Variants in LIPG observed in about 807,000 individuals in gnomAD.
LIPG encodes lipase G, endothelial type, also known as endothelial lipase.
In LIPG, 34 loss-of-function variants were observed where a neutral mutation model predicts 51.8. That is an observed-to-expected ratio of 0.66 (90% CI 0.50 to 0.87). The LOEUF (loss-of-function observed/expected upper bound fraction) is 0.87. Among genes scored for constraint, LIPG ranks in the 40% least tolerant of loss-of-function variants. The pLI, the probability that LIPG is intolerant of heterozygous loss-of-function variation, is 0.00. For missense variants in LIPG, 580 were observed against 652.7 expected (o/e 0.89, Z 1.21); for synonymous variants, 246 against 246.1 (o/e 1.00, Z 0.00).
intron 5 of LIPG, among the ~76,000 whole-genome samples, chr18:49,578,824 C>T (rs868732434): frequency 6.6e-5 from 10 of 151,104 alleles, no homozygotes; most frequent in African/African-American, 2.4e-4. Context: ...GGCTGGAGAC[C>T]GGCCCGGCCA....
In LIPG at chr18:49,598,325, G is replaced by T. The variant is rs2084992873; in HGVS notation, c.*7803G>T. 2 of 152,610 alleles carry T rather than the reference G, an allele frequency of 1.3e-5. No homozygotes were observed. Among genetic ancestry groups the T allele is most frequent in the South Asian group, 4.1e-4 (2 of 4,822 alleles). 9.5% of individuals were successfully genotyped at this position (152,610 alleles called of 1,614,324 possible). On this transcript the variant is annotated 3_prime_UTR_variant, in exon 10 of 10. Transcript: ENST00000261292. ...TCCTCCCACTTCAGCCTCCCAAATAGCTGGGACTACAGGTGTACTCCACTA... is the reference window on the plus strand; with the variant it reads ...TCCTCCCACTTCAGCCTCCCAAATATCTGGGACTACAGGTGTACTCCACTA...
chr18:49,586,672 G>C (rs911635547), intron 8 of LIPG, 74 bp from the exon 9 acceptor site: 8 of 1,092,234 alleles, frequency 7.3e-6, no homozygotes, highest in African/African-American at 1.5e-5. Flanking sequence ...TCACCCATCT[G>C]CCTTGAATCT....
chr18:49,565,563 AG>A, intron 2 of LIPG, 65 bp downstream of exon 2: 4 of 1,575,278 alleles, frequency 2.5e-6, no homozygotes, highest in Non-Finnish European at 3.5e-6. Flanking sequence ...TTGGTCAATT[AG>A]AAAGAATTCT....
At chr18:49,589,384 G>A (rs954389857) in intron 9 of LIPG, 2 of 152,224 alleles carry the variant, frequency 1.3e-5, no homozygotes, top group African/African-American at 4.8e-5. Context: ...ATTTCAAAGT[G>A]TTTCCACATA....
At chr18:49,573,457 G>A (rs542028927) in intron 4 of LIPG, among the ~76,000 whole-genome samples, 1 of 152,168 alleles carries the variant, frequency 6.6e-6, no homozygotes, top group Non-Finnish European at 1.5e-5. Context: ...GCTTATGCCT[G>A]TAATCCCAGC....
Position 49,581,621 on chromosome 18 carries a change from A to G in LIPG, c.1000A>G (p.Met334Val). ...AATGAGGAACAAGAGGAACAGCAAA[A>G]TGTACCTAAAAACCCGGGCAGGCAT... ...KKMRNKRNSK[M>V]YLKTRAGMPF... The change falls in exon 6 of 10, where the codon ATG (methionine) becomes GTG (valine). Residue 334 changes from methionine to valine, a missense_variant. Coordinates refer to ENST00000261292, the MANE Select transcript of LIPG (RefSeq NM_006033.4). 1.2e-6 allele frequency: 2 copies of G among 1,614,182 alleles called. No homozygotes were observed. The highest frequency in any genetic ancestry group is 1.1e-5 in the South Asian group (1 of 91,086).
upstream of LIPG, chr18:49,561,693 CCTT>C (rs1318287553): frequency 2.2e-5 from 28 of 1,244,960 alleles, no homozygotes; most frequent in African/African-American, 3.2e-4. Context: ...AGGATGCTCT[CCTT>C]CTCCAGGGAT....
At chr18:49,579,788 CTTTT>C (rs2084797059) in intron 5 of LIPG, among the ~76,000 whole-genome samples, 2 of 84,708 alleles carry the variant, frequency 2.4e-5, no homozygotes, top group African/African-American at 4.1e-5. Context: ...CTTTTCTTTT[CTTTT>C]CTTTTCTTTT....
intron 9 of LIPG, 164 bp from the exon 10 acceptor site, chr18:49,590,337 C>T: frequency 2.5e-6 from 2 of 786,868 alleles, no homozygotes; most frequent in East Asian, 2.7e-5. Context: ...GAAGGCAGCA[C>T]TCGGGACCTT....
chr18:49,569,719 T>TC (rs397829007), intron 4 of LIPG, among the ~76,000 whole-genome samples, 171 bp downstream of exon 4: 29 of 151,742 alleles, frequency 1.9e-4, no homozygotes, highest in Non-Finnish European at 3.2e-4. Flanking sequence ...TTTTTTTTTT[T>TC]CCAAATTGAA....
chr18:49,587,333 G>A (rs1213345806), intron 9 of LIPG, among the ~76,000 whole-genome samples: 2 of 151,984 alleles, frequency 1.3e-5, no homozygotes, highest in Admixed American at 6.6e-5. Flanking sequence ...CACTTTGGGA[G>A]GCTGAGGCAG....
At chr18:49,585,345 G>C (rs1309295287) in intron 8 of LIPG, among the ~76,000 whole-genome samples, 2 of 152,110 alleles carry the variant, frequency 1.3e-5, no homozygotes, top group African/African-American at 2.4e-5. Flanking sequence ...TTACAGGTGT[G>C]AGCCACCATG....
chr18:49,598,454 C>G lies in LIPG; in HGVS notation c.*7932C>G, dbSNP rs952145569. Reference sequence around the variant, plus strand: ...AAGCAATCCACCCAACTTGGCCTCCCAAAGTGCTGGGATTAGAGGCATGAG... The same window carrying G: ...AAGCAATCCACCCAACTTGGCCTCCGAAAGTGCTGGGATTAGAGGCATGAG... On this transcript the variant is annotated 3_prime_UTR_variant, in exon 10 of 10. Coordinates refer to ENST00000261292, the MANE Select transcript of LIPG (RefSeq NM_006033.4). 5 of 152,464 alleles carry G rather than the reference C, an allele frequency of 3.3e-5. No homozygotes were observed. Among genetic ancestry groups the G allele is most frequent in the African/African-American group, 1.2e-4 (5 of 41,432 alleles). 9.4% of individuals were successfully genotyped at this position (152,464 alleles called of 1,614,324 possible).
intron 8 of LIPG, among the ~76,000 whole-genome samples, chr18:49,584,668 G>T (rs954606941): frequency 1.5e-4 from 23 of 152,160 alleles, no homozygotes; most frequent in Admixed American, 9.2e-4. Flanking sequence ...GAAGTGAAGT[G>T]GAGGCTTGGA....
intron 1 of LIPG, 24 bp from the exon 2 acceptor site, chr18:49,565,293 C>A (rs570348330): frequency 1.2e-5 from 20 of 1,612,580 alleles, no homozygotes; most frequent in South Asian, 1.2e-4. Context: ...CTAGATGCAC[C>A]CACGCTCTGT....
chr18:49,576,239 C>T (rs937091071), intron 5 of LIPG, among the ~76,000 whole-genome samples: 1 of 152,092 alleles, frequency 6.6e-6, no homozygotes, highest in Non-Finnish European at 1.5e-5. Flanking sequence ...CACTCCCACC[C>T]CTACTTCCAC....
intron 4 of LIPG, among the ~76,000 whole-genome samples, chr18:49,572,311 ACT>A (rs2084671906): frequency 6.7e-6 from 1 of 150,136 alleles, no homozygotes; most frequent in Admixed American, 6.7e-5. Flanking sequence ...CAAGAGTGAG[ACT>A]CTGTCTCAAA....
At chr18:49,573,828 TCTC>T (rs1368909596) in intron 4 of LIPG, among the ~76,000 whole-genome samples, 3 of 152,090 alleles carry the variant, frequency 2.0e-5, no homozygotes, top group Non-Finnish European at 4.4e-5. Flanking sequence ...GTTGGTCACA[TCTC>T]CTCCCAGCCT....
chr18:49,575,316 C>A, intron 4 of LIPG, 53 bp from the exon 5 acceptor site: 1 of 1,463,880 alleles, frequency 6.8e-7, no homozygotes, highest in South Asian at 1.1e-5. Context: ...TCAGGACTCA[C>A]TGACCAGGTG....
Sources: gnomAD v4.1 joint callset for allele counts (sites outside exome capture counted in the v4.1 genomes callset) on GRCh38, gnomAD v4.1.1 for gene constraint, MANE v1.5 for transcripts, NCBI Gene and HGNC (gene_info 2026-07-23, HGNC 2026-07-21) for gene names.